The following SLC26A7 variants were observed in gnomAD, a reference collection of about 807,000 sequenced individuals.
SLC26A7 encodes the protein solute carrier family 26 member 7.
In SLC26A7, 59 loss-of-function variants were observed where a neutral mutation model predicts 82.5. The ratio of observed to expected loss-of-function variants is 0.72; its 90% CI spans 0.58 to 0.89. SLC26A7 has a LOEUF of 0.89. Ranked by LOEUF, SLC26A7 falls within the 40% of genes least tolerant of loss-of-function variation. The pLI is 0.00. For synonymous variants in SLC26A7, 271 were observed against 274.3 expected, an observed-to-expected ratio of 0.99 and a Z score of 0.12; for missense variants, 820 against 793.0, an observed-to-expected ratio of 1.03 and a Z score of -0.41.
intron 16 of SLC26A7, among the ~76,000 whole-genome samples, chr8:91,389,833 C>T (rs1814905769): frequency 6.6e-6 from 1 of 152,144 alleles, no homozygotes; most frequent in Admixed American, 6.5e-5. Flanking sequence ...TCTTACATCA[C>T]GGTTGGGTAC....
intron 6 of SLC26A7, among the ~76,000 whole-genome samples, chr8:91,337,704 C>T (rs1175400185): frequency 6.6e-6 from 1 of 152,248 alleles, no homozygotes; most frequent in East Asian, 1.9e-4. Flanking sequence ...TGATTACTAA[C>T]ATGGATTAGG....
intron 5 of SLC26A7, among the ~76,000 whole-genome samples, chr8:91,322,300 C>G (rs556879160): frequency 3.3e-5 from 5 of 152,162 alleles, no homozygotes; most frequent in African/African-American, 1.2e-4. Flanking sequence ...ACTCAAATCT[C>G]CCTCAGCAGT....
intron 8 of SLC26A7, among the ~76,000 whole-genome samples, chr8:91,342,290 A>G (rs989007242): frequency 4.6e-5 from 7 of 151,614 alleles, no homozygotes; most frequent in African/African-American, 1.7e-4. Context: ...AAAATCTTAA[A>G]CTCAAGATTT....
intron 9 of SLC26A7, among the ~76,000 whole-genome samples, chr8:91,345,099 A>T (rs1586434977): frequency 1.3e-5 from 2 of 148,406 alleles, no homozygotes; most frequent in South Asian, 2.1e-4. Flanking sequence ...GCACCACCAC[A>T]CCTTGCTATT....
chr8:91,246,549 A>G (rs918415779), upstream of SLC26A7, among the ~76,000 whole-genome samples: 25 of 152,126 alleles, frequency 1.6e-4, no homozygotes, highest in Admixed American at 1.2e-3. Context: ...AACTAGGGCC[A>G]TTAATATAGA....
At chr8:91,261,923 C>T (rs915832848) in intron 2 of SLC26A7, among the ~76,000 whole-genome samples, 4 of 152,016 alleles carry the variant, frequency 2.6e-5, no homozygotes, top group African/African-American at 4.8e-5. Context: ...TGAGGCAGGC[C>T]CTGGTCCTTT....
At chr8:91,344,313 C>A in intron 9 of SLC26A7, 3 of 543,166 alleles carry the variant, frequency 5.5e-6, no homozygotes, top group Non-Finnish European at 7.0e-6. Flanking sequence ...GGATTGGAAC[C>A]CAGATAGATT....
intron 1 of SLC26A7, among the ~76,000 whole-genome samples, chr8:91,217,756 A>C (rs551199887): frequency 2.6e-5 from 4 of 152,284 alleles, no homozygotes; most frequent in African/African-American, 7.2e-5. Context: ...AAAAACCAAG[A>C]CGTCCACTGA....
intron 2 of SLC26A7, among the ~76,000 whole-genome samples, chr8:91,281,914 G>A (rs1811584958): frequency 6.6e-6 from 1 of 152,134 alleles, no homozygotes; most frequent in Non-Finnish European, 1.5e-5. Context: ...TTGGAAAGTT[G>A]TACATCTTTT....
intron 1 of SLC26A7, among the ~76,000 whole-genome samples, chr8:91,218,500 A>T (rs932999254): frequency 3.3e-5 from 5 of 152,208 alleles, no homozygotes; most frequent in Non-Finnish European, 7.4e-5. Flanking sequence ...CTGGGCAGGT[A>T]AAACCAAGAT....
chr8:91,252,108 C>G (rs553787363), intron 2 of SLC26A7, among the ~76,000 whole-genome samples: 28 of 152,072 alleles, frequency 1.8e-4, no homozygotes, highest in Non-Finnish European at 3.4e-4. Flanking sequence ...TGCATCATAA[C>G]GCAAACAATA....
chr8:91,340,044 C>T (rs1813358682), intron 7 of SLC26A7, among the ~76,000 whole-genome samples: 1 of 152,128 alleles, frequency 6.6e-6, no homozygotes, highest in Non-Finnish European at 1.5e-5. Context: ...ATGTAGTCTT[C>T]AACACCAGCC....
chr8:91,357,223 G>A (rs1185190000), intron 11 of SLC26A7: 1 of 152,114 alleles, frequency 6.6e-6, no homozygotes, highest in Non-Finnish European at 1.5e-5. Flanking sequence ...GAATTTTCAG[G>A]ATTCTGGCAT....
chr8:91,329,818 C>T (rs1200850958), intron 5 of SLC26A7, among the ~76,000 whole-genome samples: 4 of 152,242 alleles, frequency 2.6e-5, no homozygotes, highest in South Asian at 4.1e-4. Context: ...TGTTATTTTA[C>T]ATCGTCTCTA....
chr8:91,263,746 A>G (rs1811034058), intron 2 of SLC26A7, among the ~76,000 whole-genome samples: 1 of 152,046 alleles, frequency 6.6e-6, no homozygotes. Context: ...GTGATCCTGT[A>G]ACTTCCAATA....
intron 2 of SLC26A7, among the ~76,000 whole-genome samples, chr8:91,220,579 C>T (rs931322932): frequency 6.6e-6 from 1 of 152,076 alleles, no homozygotes; most frequent in Non-Finnish European, 1.5e-5. Flanking sequence ...TCAACTCCCA[C>T]TTATGAGTGA....
At chr8:91,314,736 C>T (rs6995995) in intron 4 of SLC26A7, among the ~76,000 whole-genome samples, 8,279 of 152,180 alleles carry the variant, frequency 0.054, 271 homozygotes, top group African/African-American at 0.067. Flanking sequence ...AAAGATTTAT[C>T]TTTTGGTAGG....
chr8:91,229,513 T>C (rs900509803), intron 2 of SLC26A7, among the ~76,000 whole-genome samples: 1 of 152,220 alleles, frequency 6.6e-6, no homozygotes, highest in Non-Finnish European at 1.5e-5. Context: ...TTATTAAATA[T>C]CTATTTATTC....
chr8:91,359,763 A>T (rs1047539980), intron 11 of SLC26A7, among the ~76,000 whole-genome samples: 11 of 152,188 alleles, frequency 7.2e-5, no homozygotes, highest in Non-Finnish European at 1.3e-4. Flanking sequence ...TCAAAGTATG[A>T]ATATTGCACA....
Sources: gnomAD v4.1 joint callset for allele counts (sites outside exome capture counted in the v4.1 genomes callset) on GRCh38, gnomAD v4.1.1 for gene constraint, MANE v1.5 for transcripts, NCBI Gene and HGNC (gene_info 2026-07-23, HGNC 2026-07-21) for gene names.